The following ITFG1 variants were observed in gnomAD, a reference collection of about 807,000 sequenced individuals.
The protein encoded by ITFG1 is integrin alpha FG-GAP repeat containing 1.
ITFG1 carries 34 observed loss-of-function variants against 81.8 expected under a neutral mutation model. That is an observed-to-expected ratio of 0.42 (90% CI 0.32 to 0.55). The LOEUF (loss-of-function observed/expected upper bound fraction) is 0.55. ITFG1 is among the 20% of genes least tolerant of loss of function. ITFG1 has a pLI of 0.17. For synonymous variants in ITFG1, 285 were observed against 270.6 expected (o/e 1.05, Z -0.52); for missense variants, 672 against 755.4 (o/e 0.89, Z 1.29).
At chr16:47,248,366 A>G (rs1966026451) in intron 12 of ITFG1, among the ~76,000 whole-genome samples, 1 of 152,212 alleles carries the variant, frequency 6.6e-6, no homozygotes, top group African/African-American at 2.4e-5. Context: ...CAAATGTTTT[A>G]CAATAGGCTC....
At chr16:47,276,374 CA>C (rs1327562633) in intron 10 of ITFG1, among the ~76,000 whole-genome samples, 9 of 152,020 alleles carry the variant, frequency 5.9e-5, no homozygotes, top group Middle Eastern at 3.4e-3. Context: ...AAAACATTAC[CA>C]GGGGAAATGT....
chr16:47,361,954 T>C (rs1392690176), intron 8 of ITFG1, among the ~76,000 whole-genome samples: 1 of 152,148 alleles, frequency 6.6e-6, no homozygotes, highest in Non-Finnish European at 1.5e-5. Flanking sequence ...CCTGGCTTTT[T>C]CCCTCATCTT....
At chr16:47,410,696 G>C (rs190676591) in intron 6 of ITFG1, among the ~76,000 whole-genome samples, 3 of 152,048 alleles carry the variant, frequency 2.0e-5, no homozygotes, top group Non-Finnish European at 4.4e-5. Flanking sequence ...GGCACAGCCC[G>C]CTCTCAACAC....
rs560032662 is a variant in ITFG1, at chr16:47,409,467, G to A, written c.655+19337C>T. On this transcript the variant is annotated intron_variant, in intron 6 of 17. Coordinates refer to ENST00000320640, the MANE Select transcript of ITFG1 (RefSeq NM_030790.5). ...GTCTCACTCTGTCCCCCAGGCTGGC[G>A]TGCAGTGGCACGATCTCGGCTCACT... Among the ~76,000 whole-genome samples, 17 of 120,826 alleles carry A rather than the reference G, an allele frequency of 1.4e-4. No homozygotes were observed. The East Asian group carries it at 1.7e-3, about 12-fold the overall frequency. 79.3% of individuals were successfully genotyped at this position (120,826 alleles called of 152,430 possible). A position where few individuals can be genotyped will look rare whatever the true frequency, so the allele number is the denominator to read the frequency against.
intron 7 of ITFG1, among the ~76,000 whole-genome samples, chr16:47,367,646 A>G (rs755012607): frequency 5.3e-5 from 8 of 152,362 alleles, no homozygotes; most frequent in Admixed American, 3.3e-4. Flanking sequence ...ATGCTATAAC[A>G]AAAGCACAAA....
intron 7 of ITFG1, among the ~76,000 whole-genome samples, chr16:47,372,284 G>A (rs755074550): frequency 3.3e-5 from 5 of 151,286 alleles, no homozygotes; most frequent in Admixed American, 6.6e-5. Context: ...TTGCTCTGTC[G>A]CTCAGGCTGG....
At chr16:47,233,255 C>T (rs1481926685) in intron 13 of ITFG1, among the ~76,000 whole-genome samples, 1 of 152,196 alleles carries the variant, frequency 6.6e-6, no homozygotes, top group Non-Finnish European at 1.5e-5. Context: ...CAAACTGCTA[C>T]TTTGCAAACT....
At chr16:47,346,886 G>A (rs1967862991) in intron 8 of ITFG1, among the ~76,000 whole-genome samples, 3 of 152,220 alleles carry the variant, frequency 2.0e-5, no homozygotes, top group South Asian at 4.2e-4. Context: ...TGGAGAGGAG[G>A]GAATTCTTAC....
chr16:47,198,153 T>C (rs1965380611), intron 14 of ITFG1, among the ~76,000 whole-genome samples: 2 of 152,226 alleles, frequency 1.3e-5, no homozygotes, highest in Admixed American at 6.5e-5. Flanking sequence ...TGTCTAATCT[T>C]TTCTATACGT....
At chr16:47,353,611 C>A (rs1346027077) in intron 8 of ITFG1, among the ~76,000 whole-genome samples, 1 of 152,010 alleles carries the variant, frequency 6.6e-6, no homozygotes, top group African/African-American at 2.4e-5. Context: ...TCAAACTGTT[C>A]TTGTTTGCAG....
chr16:47,156,369 C>T lies in ITFG1; in HGVS notation c.1780-591G>A, dbSNP rs563175861. Among the ~76,000 whole-genome samples, 7 of 152,222 alleles carry T rather than the reference C, an allele frequency of 4.6e-5. No individual in the cohort carries two copies. The South Asian group carries it at 1.5e-3, about 32-fold the overall frequency. The stretch of plus-strand genomic sequence containing the variant: ...CAGGAGAATCGCTTGAACCCAGGAG[C>T]GGAAGTTGCGGTGAGTCAAGATTGC... On this transcript the variant is annotated intron_variant, in intron 17 of 17. Coordinates refer to ENST00000320640, the MANE Select transcript of ITFG1 (RefSeq NM_030790.5).
At chr16:47,407,582 T>C (rs540752424) in intron 6 of ITFG1, among the ~76,000 whole-genome samples, 11 of 152,290 alleles carry the variant, frequency 7.2e-5, no homozygotes, top group African/African-American at 2.6e-4. Context: ...CCTGGTCTCA[T>C]GTGATCCGCC....
chr16:47,187,882 C>G (rs1485485304), intron 14 of ITFG1, among the ~76,000 whole-genome samples: 1 of 151,908 alleles, frequency 6.6e-6, no homozygotes, highest in African/African-American at 2.4e-5. Flanking sequence ...GGGCTAATAT[C>G]CAGAATCTAC....
chr16:47,222,275 T>C (rs1370299035), intron 13 of ITFG1, among the ~76,000 whole-genome samples: 3 of 151,862 alleles, frequency 2.0e-5, no homozygotes, highest in Admixed American at 6.6e-5. Context: ...CCAGAGATTC[T>C]GGTATGTTGT....
At chr16:47,439,488 C>A (rs1035677513) in intron 5 of ITFG1, among the ~76,000 whole-genome samples, 1 of 152,276 alleles carries the variant, frequency 6.6e-6, no homozygotes, top group East Asian at 1.9e-4. Context: ...GCTGATCTCT[C>A]GGCAGAAACT....
chr16:47,363,276 T>G, intron 8 of ITFG1, among the ~76,000 whole-genome samples: 1 of 152,206 alleles, frequency 6.6e-6, no homozygotes, highest in East Asian at 1.9e-4. Flanking sequence ...ATTTAAAGCA[T>G]AATAGAAGTT....
At position 47,460,898 on chromosome 16, in the gene ITFG1, G is replaced by T; in HGVS notation, c.148C>A (p.Leu50Ile). ...ELFGAEAWGTLAAFGDLNSDK... is the reference protein window; with the variant it reads ...ELFGAEAWGTIAAFGDLNSDK... The stretch of plus-strand genomic sequence containing the variant: ...GAGTTGAGGTCCCCGAAAGCCGCAA[G>T]GGTGCCCCAGGCCTCGGCCCCAAAG... Residue 50 changes from leucine to isoleucine, a missense_variant, in exon 1 of 18, where the codon CTT (leucine) becomes ATT (isoleucine). By Grantham distance (5) the Leu-to-Ile change is conservative (BLOSUM62 2). This residue lies in a region of ITFG1 where 560 missense variants were observed against 625.7 expected (regional missense o/e 0.90). Transcript: ENST00000320640. The T allele has an allele frequency of 6.2e-7, 1 of 1,613,596 alleles. No homozygotes were observed. The highest frequency in any genetic ancestry group is 1.7e-5 in the Admixed American group (1 of 60,022).
chr16:47,369,125 C>G (rs951999878), intron 7 of ITFG1, among the ~76,000 whole-genome samples: 1 of 152,074 alleles, frequency 6.6e-6, no homozygotes, highest in Non-Finnish European at 1.5e-5. Context: ...TATTTTATCT[C>G]AATAGATAAT....
chr16:47,395,480 C>T (rs1191427591), intron 6 of ITFG1, among the ~76,000 whole-genome samples: 1 of 152,076 alleles, frequency 6.6e-6, no homozygotes, highest in Non-Finnish European at 1.5e-5. Flanking sequence ...CATGCCTAGG[C>T]AAAAAGCTTG....
Sources: allele counts gnomAD v4.1 joint callset (sites outside exome capture counted in the v4.1 genomes callset), GRCh38; gene constraint gnomAD v4.1.1; regional missense constraint gnomAD v4.1.1; transcripts MANE v1.5; gene names NCBI Gene and HGNC (gene_info 2026-07-23, HGNC 2026-07-21).